Variants in DCLK2 observed in about 807,000 individuals in gnomAD.
The protein encoded by DCLK2 is serine/threonine-protein kinase DCLK2.
In DCLK2, 31 loss-of-function variants were observed where a neutral mutation model predicts 78.4. The observed-to-expected ratio is 0.40, with a 90% CI of 0.30 to 0.53. The LOEUF (loss-of-function observed/expected upper bound fraction) is 0.53, where lower values mean the gene tolerates loss of function less well. DCLK2 is among the 20% of genes least tolerant of loss of function. DCLK2 has a pLI of 0.61. For synonymous variants in DCLK2, 407 were observed against 374.9 expected (o/e 1.09, Z -0.99); for missense variants, 872 against 973.7 (o/e 0.90, Z 1.39).
At chr4:150,141,375 T>C (rs1734090899) in intron 2 of DCLK2, among the ~76,000 whole-genome samples, 1 of 152,150 alleles carries the variant, frequency 6.6e-6, no homozygotes, top group South Asian at 2.1e-4. Context: ...CAGGGTTAGA[T>C]TTTATTTCTC....
chr4:150,210,136 C>G (rs915353594), intron 5 of DCLK2, among the ~76,000 whole-genome samples: 1 of 152,086 alleles, frequency 6.6e-6, no homozygotes, highest in Non-Finnish European at 1.5e-5. Flanking sequence ...CTTGGCATGG[C>G]CACTCTTAAG....
At chr4:150,115,110 C>T (rs1731979504) in intron 2 of DCLK2, among the ~76,000 whole-genome samples, 1 of 152,104 alleles carries the variant, frequency 6.6e-6, no homozygotes, top group South Asian at 2.1e-4. Context: ...TTGTTGGATT[C>T]ATTTGAAAGC....
intron 2 of DCLK2, among the ~76,000 whole-genome samples, chr4:150,160,336 G>A (rs1334217275): frequency 6.6e-6 from 1 of 152,130 alleles, no homozygotes. Flanking sequence ...TCCTTGTGGA[G>A]AGTGCTTTAA....
intron 2 of DCLK2, among the ~76,000 whole-genome samples, chr4:150,165,966 A>C (rs1296012900): frequency 6.6e-6 from 1 of 152,000 alleles, no homozygotes; most frequent in African/African-American, 2.4e-5. Flanking sequence ...GTTCACTTCC[A>C]CCTTCCCCCT....
chr4:150,192,522 G>A (rs1738538640), intron 2 of DCLK2, among the ~76,000 whole-genome samples: 1 of 148,154 alleles, frequency 6.7e-6, no homozygotes, highest in South Asian at 2.1e-4. Flanking sequence ...CACATATTTA[G>A]ATATAGGGCA....
intron 1 of DCLK2, among the ~76,000 whole-genome samples, chr4:150,084,869 C>T (rs537524197): frequency 6.6e-6 from 1 of 152,282 alleles, no homozygotes; most frequent in Non-Finnish European, 1.5e-5. Flanking sequence ...GCCCATGCTA[C>T]CACTGCATCT....
chr4:150,134,273 G>C (rs967246274), intron 2 of DCLK2, among the ~76,000 whole-genome samples: 2 of 151,588 alleles, frequency 1.3e-5, no homozygotes, highest in African/African-American at 2.4e-5. Flanking sequence ...GTAGAGATGC[G>C]GTTTCACCAT....
chr4:150,204,522 T>G (rs1739700668), intron 5 of DCLK2, among the ~76,000 whole-genome samples: 1 of 152,206 alleles, frequency 6.6e-6, no homozygotes, highest in Admixed American at 6.5e-5. Flanking sequence ...TTTTATTTGA[T>G]GTAGTAGTTC....
chr4:150,197,362 G>A (rs2126416131), intron 3 of DCLK2, among the ~76,000 whole-genome samples: 1 of 152,304 alleles, frequency 6.6e-6, no homozygotes, highest in South Asian at 2.1e-4. Context: ...AGTTGCACAT[G>A]TATAGATTAG....
At chr4:150,156,164 G>A (rs951963322) in intron 2 of DCLK2, among the ~76,000 whole-genome samples, 1 of 152,110 alleles carries the variant, frequency 6.6e-6, no homozygotes, top group Non-Finnish European at 1.5e-5. Context: ...GAAGGATGAT[G>A]GTGCAAAAGC....
At chr4:150,225,082 A>T (rs1741499917) in intron 8 of DCLK2, among the ~76,000 whole-genome samples, 1 of 152,204 alleles carries the variant, frequency 6.6e-6, no homozygotes, top group Non-Finnish European at 1.5e-5. Context: ...TAGCTGGGGA[A>T]CTCTGAGCTT....
At chr4:150,084,447 A>G (rs910466022) in intron 1 of DCLK2, among the ~76,000 whole-genome samples, 4 of 152,226 alleles carry the variant, frequency 2.6e-5, no homozygotes, top group African/African-American at 9.6e-5. Flanking sequence ...ACTCTTCCAT[A>G]ATATCCCCTT....
intron 4 of DCLK2, chr4:150,199,208 T>C (rs1739287737): frequency 2.4e-6 from 2 of 818,064 alleles, no homozygotes; most frequent in African/African-American, 3.4e-5. Flanking sequence ...CTGTGTGGTA[T>C]GAAATGCTTT....
chr4:150,190,674 A>G (rs1738386300), intron 2 of DCLK2, among the ~76,000 whole-genome samples: 1 of 152,206 alleles, frequency 6.6e-6, no homozygotes, highest in Admixed American at 6.5e-5. Context: ...GCTAATGGGC[A>G]TGGTGTTTCT....
chr4:150,124,528 A>G (rs755478399), intron 2 of DCLK2, among the ~76,000 whole-genome samples: 22 of 152,232 alleles, frequency 1.4e-4, no homozygotes, highest in Non-Finnish European at 2.6e-4. Context: ...CGTTAGTTAC[A>G]TGGTTGCATT....
Position 150,256,195 on chromosome 4 carries a change from C to G in DCLK2, c.2249C>G (p.Pro750Arg). Residue 750 changes from proline (P) to arginine (R), a missense_variant, in exon 16 of 16, where the codon CCC (proline) becomes CGC (arginine). Pro to Arg is a moderately radical substitution (Grantham distance 103, BLOSUM62 -2). Transcript: ENST00000296550. ...PPESPTPHPP[P>R]AAPGGERAGT... is the part of the protein sequence containing the mutation. The stretch of plus-strand genomic sequence containing the variant: ...GAATCTCCCACCCCCCACCCTCCTC[C>G]CGCTGCCCCGGGTGGTGAGCGGGCA... 1 of 1,548,136 alleles carries G rather than the reference C, an allele frequency of 6.5e-7. No individual in the cohort carries two copies.
intron 2 of DCLK2, among the ~76,000 whole-genome samples, chr4:150,188,394 G>C (rs1054640614): frequency 1.4e-4 from 21 of 152,126 alleles, no homozygotes; most frequent in Admixed American, 1.4e-3. Flanking sequence ...CTTGAGCCTG[G>C]GAGGTGGAAG....
At chr4:150,115,368 A>T (rs1158449428) in intron 2 of DCLK2, among the ~76,000 whole-genome samples, 4 of 151,964 alleles carry the variant, frequency 2.6e-5, no homozygotes, top group African/African-American at 4.8e-5. Flanking sequence ...CTAGTATTTC[A>T]AATATTTTAT....
chr4:150,083,517 G>C (rs2150129682), intron 1 of DCLK2, among the ~76,000 whole-genome samples: 1 of 152,278 alleles, frequency 6.6e-6, no homozygotes, highest in East Asian at 1.9e-4. Context: ...TCAGTTCTTT[G>C]AAAGTGTTAA....
Sources: allele counts gnomAD v4.1 joint callset (sites outside exome capture counted in the v4.1 genomes callset), GRCh38; gene constraint gnomAD v4.1.1; transcripts MANE v1.5; gene names NCBI Gene and HGNC (gene_info 2026-07-23, HGNC 2026-07-21).